RNF220: variants seen among roughly 807,000 people sequenced by gnomAD.
RNF220 encodes E3 ubiquitin-protein ligase RNF220.
In RNF220, 7 loss-of-function variants were observed where a neutral mutation model predicts 67.1. The observed-to-expected ratio is 0.10, with a 90% CI of 0.06 to 0.20. The LOEUF is 0.20. RNF220 is among the 10% of genes least tolerant of loss of function. The probability of loss-of-function intolerance (pLI) is 1.00; values close to 1 mark genes in which losing one functional copy is unlikely to be tolerated. For synonymous variants in RNF220, 270 were observed against 283.2 expected (o/e 0.95, Z 0.47); for missense variants, 565 against 740.3 (o/e 0.76, Z 2.75).
chr1:44,590,702 CG>C lies in RNF220; in HGVS notation c.626-23456del, dbSNP rs549721079. On this transcript the variant is annotated intron_variant, in intron 2 of 14. Transcript: ENST00000361799. ...GATACCAGAGATGATGAATAGGAAGCGGGGGGGCCAGGGAGGATTCATTCAC... is the reference window on the plus strand; with the variant it reads ...GATACCAGAGATGATGAATAGGAAGCGGGGGGCCAGGGAGGATTCATTCAC... Among the ~76,000 whole-genome samples the C allele has an allele frequency of 2.0e-5, 3 of 152,078 alleles. No homozygotes were observed. In the East Asian group the frequency reaches 5.8e-4, roughly 29 times the overall value.
chr1:44,559,485 A>G (rs1663386976), intron 2 of RNF220, among the ~76,000 whole-genome samples: 1 of 152,256 alleles, frequency 6.6e-6, no homozygotes, highest in Admixed American at 6.5e-5. Context: ...GCTTATTGAA[A>G]TGTTCATTAG....
chr1:44,634,225 CAGG>C (rs1376443300), intron 6 of RNF220, among the ~76,000 whole-genome samples: 1 of 152,206 alleles, frequency 6.6e-6, no homozygotes, highest in Non-Finnish European at 1.5e-5. Context: ...CCCCTTGAAA[CAGG>C]AGGGCATTCT....
chr1:44,431,039 GTGTC>G (rs1253606524), intron 2 of RNF220, among the ~76,000 whole-genome samples: 2 of 152,194 alleles, frequency 1.3e-5, no homozygotes, highest in African/African-American at 4.8e-5. Context: ...TGCTGGGAAA[GTGTC>G]TGATTTGTGT....
chr1:44,530,472 C>T (rs575651837), intron 2 of RNF220, among the ~76,000 whole-genome samples: 18 of 149,828 alleles, frequency 1.2e-4, no homozygotes, highest in Non-Finnish European at 2.5e-4. Flanking sequence ...TACGTAGATG[C>T]GCAATGCTGA....
intron 2 of RNF220, among the ~76,000 whole-genome samples, chr1:44,479,637 T>A (rs12069460): frequency 0.013 from 1,996 of 152,312 alleles, 38 homozygotes; most frequent in African/African-American, 0.046. Flanking sequence ...GATTTTGACT[T>A]CACCTGGAAA....
At position 44,624,504 on chromosome 1, in the gene RNF220, C is replaced by T. The variant is rs1361218624; in HGVS notation, c.804+1717C>T. Among the ~76,000 whole-genome samples the T allele has an allele frequency of 6.6e-6, 1 of 152,164 alleles. No homozygotes were observed. The highest frequency in any genetic ancestry group is 1.5e-5 in the Non-Finnish European group (1 of 68,034). ...AGACACAGGCATACTGACCATGAGA[C>T]ACAGAGATAAGGGACACTTGCTCAC... On this transcript the variant is annotated intron_variant, in intron 4 of 14. Coordinates refer to ENST00000361799, the MANE Select transcript of RNF220 (RefSeq NM_018150.4). This position sits in a 1 kb window ranked among gnomAD's most constrained non-coding sequence, Gnocchi z 4.2.
At chr1:44,591,286 C>A (rs1268237647) in intron 2 of RNF220, among the ~76,000 whole-genome samples, 1 of 152,188 alleles carries the variant, frequency 6.6e-6, no homozygotes, top group African/African-American at 2.4e-5. Context: ...ATTTGAGAAA[C>A]CAAAAGAATT....
intron 2 of RNF220, among the ~76,000 whole-genome samples, chr1:44,492,733 A>G (rs551146869): frequency 6.6e-6 from 1 of 152,244 alleles, no homozygotes; most frequent in African/African-American, 2.4e-5. Flanking sequence ...AGAGACAGAA[A>G]GTAGATTAGT....
intron 2 of RNF220, among the ~76,000 whole-genome samples, chr1:44,482,920 C>CTTTTTTTTTTTTTTTT (rs34268893): frequency 4.3e-5 from 3 of 69,120 alleles, no homozygotes; most frequent in Non-Finnish European, 7.5e-5. Flanking sequence ...CACACCCAGC[C>CTTTTTTTTTTTTTTTT]TTTTTTTTTT....
chr1:44,489,625 C>T (rs12090209), intron 2 of RNF220, among the ~76,000 whole-genome samples: 1,544 of 152,320 alleles, frequency 0.01, 26 homozygotes, highest in African/African-American at 0.035. Context: ...TTTTTCAGCA[C>T]GAAAAAGCAA....
At chr1:44,635,430 G>T in intron 6 of RNF220, 115 bp from the exon 7 acceptor site, 1 of 1,489,928 alleles carries the variant, frequency 6.7e-7, no homozygotes, top group South Asian at 1.3e-5. Context: ...ATCAGGCACT[G>T]AATAAAAAGG....
Position 44,650,263 on chromosome 1 carries a change from A to G in RNF220, c.1629+306A>G, listed in dbSNP as rs948819394. ...CTGGGGTCAGGAGGAGGCTGGCTGTAGGTAAACAGGACCAGGGCCTTGGCC... is the reference window on the plus strand; with the variant it reads ...CTGGGGTCAGGAGGAGGCTGGCTGTGGGTAAACAGGACCAGGGCCTTGGCC... On this transcript the variant is annotated intron_variant, in intron 14 of 14. Transcript: ENST00000361799. This position sits in a 1 kb window ranked among gnomAD's most constrained non-coding sequence, Gnocchi z 4.3. 6 of 525,712 alleles carry G rather than the reference A, an allele frequency of 1.1e-5. No homozygotes were observed. The Admixed American group carries it at 1.4e-4, about 12-fold the overall frequency. The allele number at this position is 525,712 out of a possible 1,614,324, so 32.6% of individuals were successfully genotyped here. A position where few individuals can be genotyped will look rare whatever the true frequency, so the allele number is the denominator to read the frequency against.
chr1:44,521,883 AATGAAT>A (rs1659971691), intron 2 of RNF220, among the ~76,000 whole-genome samples: 1 of 110,714 alleles, frequency 9.0e-6, no homozygotes, highest in Non-Finnish European at 2.3e-5. Context: ...TGAGTGAATG[AATGAAT>A]GAATGAATGA....
At chr1:44,430,450 C>G (rs1023491849) in intron 2 of RNF220, among the ~76,000 whole-genome samples, 1 of 152,104 alleles carries the variant, frequency 6.6e-6, no homozygotes, top group Admixed American at 6.5e-5. Flanking sequence ...ATAGTGACAA[C>G]TGGATGAAGA....
In RNF220 at chr1:44,645,878, G is replaced by A. The variant is rs187397264; in HGVS notation, c.1445+390G>A. 1.2e-4 allele frequency among the ~76,000 whole-genome samples: 19 copies of A among 152,340 alleles called. No individual in the cohort carries two copies. Among genetic ancestry groups the A allele is most frequent in the East Asian group, 9.6e-4 (5 of 5,184 alleles). On this transcript the variant is annotated intron_variant, in intron 12 of 14. Transcript: ENST00000361799. The surrounding 1 kb of genome is among the most constrained non-coding windows in gnomAD (Gnocchi z 5.0). ...ATTTTTCTTGTCCCGGGTGGCACTC[G>A]CAGTGGATTTTAGGCAGGAACATTG... is the stretch of plus-strand genomic sequence containing the variant.
intron 2 of RNF220, among the ~76,000 whole-genome samples, chr1:44,448,357 T>A (rs1479385667): frequency 6.6e-6 from 1 of 152,180 alleles, no homozygotes; most frequent in Non-Finnish European, 1.5e-5. Context: ...CTTAGATGCA[T>A]GTGCCTGCCT....
At chr1:44,520,128 T>TGTGTGTGTGAGAGAGAGAGA (rs796131470) in intron 2 of RNF220, among the ~76,000 whole-genome samples, 1 of 113,374 alleles carries the variant, frequency 8.8e-6, no homozygotes, top group African/African-American at 3.2e-5. Context: ...TGTGTGTGTG[T>TGTGTGTGTGAGAGAGAGAGA]GAGAGAGAGA....
intron 2 of RNF220, among the ~76,000 whole-genome samples, chr1:44,452,968 G>A (rs1056542150): frequency 2.0e-5 from 3 of 152,158 alleles, no homozygotes; most frequent in African/African-American, 4.8e-5. Flanking sequence ...GGAATATGAT[G>A]TGTTCCTTAT....
At chr1:44,640,099 T>C (rs1644444645) in intron 8 of RNF220, among the ~76,000 whole-genome samples, 1 of 152,254 alleles carries the variant, frequency 6.6e-6, no homozygotes, top group Non-Finnish European at 1.5e-5. Flanking sequence ...CTGGCACAAA[T>C]CTTTTATCTG....
Sources: allele counts gnomAD v4.1 joint callset (sites outside exome capture counted in the v4.1 genomes callset), GRCh38; gene constraint gnomAD v4.1.1; non-coding constraint Gnocchi (gnomAD v3.1); transcripts MANE v1.5; gene names NCBI Gene and HGNC (gene_info 2026-07-23, HGNC 2026-07-21).